Variants in SLC4A4 observed in about 807,000 individuals in gnomAD.
The protein encoded by SLC4A4 is electrogenic sodium bicarbonate cotransporter 1.
Under a neutral mutation model 111.5 loss-of-function variants are expected in SLC4A4, and 27 were observed. The observed-to-expected ratio is 0.24, with a 90% CI of 0.18 to 0.33. The LOEUF (loss-of-function observed/expected upper bound fraction) is 0.33. Among genes scored for constraint, SLC4A4 ranks in the 10% least tolerant of loss-of-function variants. The pLI is 1.00. For synonymous variants in SLC4A4, 443 were observed against 463.4 expected, an observed-to-expected ratio of 0.96 and a Z score of 0.57; for missense variants, 909 against 1,315.5, an observed-to-expected ratio of 0.69 and a Z score of 4.78.
chr4:71,278,236 G>A lies in SLC4A4; in HGVS notation c.253+22837G>A, dbSNP rs1182968917. The stretch of plus-strand genomic sequence containing the variant: ...TCTTACTTATTTCACTTAGCACAAC[G>A]TCCTCAAAGTTTATTCATGTTGTCA... On this transcript the variant is annotated intron_variant, in intron 3 of 25. Transcript: ENST00000264485. 7.9e-5 allele frequency among the ~76,000 whole-genome samples: 12 copies of A among 151,588 alleles called. No individual in the cohort carries two copies. In the East Asian group the frequency reaches 1.9e-3, roughly 25 times the overall value.
At chr4:71,128,795 A>AT (rs1405970013) in intron 2 of SLC4A4, among the ~76,000 whole-genome samples, 1 of 152,140 alleles carries the variant, frequency 6.6e-6, no homozygotes, top group Non-Finnish European at 1.5e-5. Context: ...AGCCAAAGAC[A>AT]TTCAAAATTT....
At chr4:71,150,250 C>T (rs1192443339) in intron 2 of SLC4A4, among the ~76,000 whole-genome samples, 1 of 152,012 alleles carries the variant, frequency 6.6e-6, no homozygotes, top group Non-Finnish European at 1.5e-5. Context: ...TATCTGGAAA[C>T]AGAAATTTGG....
intron 3 of SLC4A4, among the ~76,000 whole-genome samples, chr4:71,331,933 C>A (rs1055346126): frequency 5.3e-5 from 8 of 152,092 alleles, no homozygotes; most frequent in Non-Finnish European, 1.2e-4. Context: ...AAGATTTGTC[C>A]ATTTCTTCTA....
In SLC4A4 at chr4:71,408,711, T is replaced by C. The variant is rs534908824; in HGVS notation, c.807+11058T>C. 9.4e-4 allele frequency among the ~76,000 whole-genome samples: 143 copies of C among 152,376 alleles called. 1 individual carries two copies. The highest frequency in any genetic ancestry group is 4.1e-3 in the South Asian group (20 of 4,830). ...CAAGTCTTACCTTTACTTCAAAACT[T>C]GTCAAGTGTTACTTTTTCTTTATAT... is the stretch of plus-strand genomic sequence containing the variant. On this transcript the variant is annotated intron_variant, in intron 7 of 25. Coordinates refer to ENST00000264485, the MANE Select transcript of SLC4A4 (RefSeq NM_001098484.3).
At chr4:71,080,257 C>T (rs1256557573) in intron 1 of SLC4A4, among the ~76,000 whole-genome samples, 4 of 152,156 alleles carry the variant, frequency 2.6e-5, no homozygotes, top group Admixed American at 2.0e-4. Flanking sequence ...AGACTACCCA[C>T]GAGTGTCCCA....
intron 2 of SLC4A4, among the ~76,000 whole-genome samples, chr4:71,139,148 A>G (rs1743931072): frequency 6.6e-6 from 1 of 151,218 alleles, no homozygotes; most frequent in Non-Finnish European, 1.5e-5. Context: ...ATGGTGATTA[A>G]TCAAAGTCAT....
chr4:71,537,848 C>A (rs940337156), intron 18 of SLC4A4, among the ~76,000 whole-genome samples: 6 of 152,088 alleles, frequency 3.9e-5, no homozygotes, highest in African/African-American at 1.4e-4. Flanking sequence ...CATTCTAATT[C>A]AGGCCGTAAG....
At chr4:71,565,369 G>A (rs1737376164) in intron 24 of SLC4A4, among the ~76,000 whole-genome samples, 2 of 151,722 alleles carry the variant, frequency 1.3e-5, no homozygotes, top group Admixed American at 6.6e-5. Context: ...TTCTGTAACT[G>A]CTTCATGCTG....
chr4:71,332,421 T>C (rs1728075258), intron 3 of SLC4A4, among the ~76,000 whole-genome samples: 1 of 151,924 alleles, frequency 6.6e-6, no homozygotes, highest in South Asian at 2.1e-4. Flanking sequence ...CTTTTTTCTT[T>C]TGTCTCCTCT....
intron 2 of SLC4A4, among the ~76,000 whole-genome samples, chr4:71,144,950 G>T (rs1229019085): frequency 1.3e-5 from 2 of 151,884 alleles, no homozygotes; most frequent in African/African-American, 4.8e-5. Flanking sequence ...TCCTTCTCCT[G>T]CCTGATTGCC....
intron 1 of SLC4A4, among the ~76,000 whole-genome samples, chr4:71,206,693 G>T (rs1057251840): frequency 6.6e-6 from 1 of 152,150 alleles, no homozygotes; most frequent in Non-Finnish European, 1.5e-5. Context: ...AATTATAACT[G>T]AGGGCCTGGG....
chr4:71,536,877 T>C (rs890194738), intron 18 of SLC4A4, among the ~76,000 whole-genome samples: 2 of 151,844 alleles, frequency 1.3e-5, no homozygotes, highest in African/African-American at 4.8e-5. Flanking sequence ...AGTTTTGATA[T>C]TGCATATCTA....
chr4:71,506,616 A>G (rs1254909627), intron 16 of SLC4A4, among the ~76,000 whole-genome samples: 7 of 152,236 alleles, frequency 4.6e-5, no homozygotes, highest in Middle Eastern at 6.8e-3. Context: ...TTCTAGATAC[A>G]GTTTTATATA....
intron 3 of SLC4A4, among the ~76,000 whole-genome samples, chr4:71,258,520 G>C (rs552047431): frequency 6.6e-6 from 1 of 152,154 alleles, no homozygotes; most frequent in Non-Finnish European, 1.5e-5. Flanking sequence ...TGTTCACTTT[G>C]TTATCTTTGG....
intron 1 of SLC4A4, among the ~76,000 whole-genome samples, chr4:71,209,201 T>TC (rs1394255104): frequency 1.3e-5 from 2 of 152,192 alleles, no homozygotes; most frequent in Non-Finnish European, 2.9e-5. Context: ...CCTCATACTA[T>TC]CTGTGCTATT....
chr4:71,384,390 C>G (rs1200120047), intron 6 of SLC4A4, among the ~76,000 whole-genome samples: 1 of 152,120 alleles, frequency 6.6e-6, no homozygotes, highest in East Asian at 1.9e-4. Context: ...CTGGAGGCTA[C>G]TGCTAGAGTT....
In SLC4A4 at chr4:71,546,509, C is replaced by G; in HGVS notation, c.2602C>G (p.Pro868Ala). The change falls in exon 19 of 26, where the codon CCA becomes GCA. Residue 868 changes from proline to alanine, a missense_variant. Pro to Ala is a conservative substitution (Grantham distance 27, BLOSUM62 -1). This residue lies in a region of SLC4A4 where 104 missense variants were observed against 219.5 expected (regional missense o/e 0.47). Transcript: ENST00000264485. ...ETETSAPGEQ[P>A]KFLGVREQRV... Reference sequence around the variant, plus strand: ...AGAGACTTCTGCACCTGGAGAACAACCAAAGTTTCTAGGAGTGAGGTGTGT... The same window carrying G: ...AGAGACTTCTGCACCTGGAGAACAAGCAAAGTTTCTAGGAGTGAGGTGTGT... The G allele has an allele frequency of 6.2e-7, 1 of 1,612,284 alleles. No homozygotes were observed.
Position 71,559,643 on chromosome 4 carries a change from C to A in SLC4A4, c.2938-450C>A, listed in dbSNP as rs1209363509. On this transcript the variant is annotated intron_variant, in intron 22 of 25. Transcript: ENST00000264485. ...TTCAAATACTACCTCATTGTGAATA[C>A]TTTGAAGATGTCTTAGTGTTATATG... Among the ~76,000 whole-genome samples, 4 of 151,744 alleles carry A rather than the reference C, an allele frequency of 2.6e-5. No individual in the cohort carries two copies. In the East Asian group the frequency reaches 7.8e-4, roughly 30 times the overall value.
chr4:71,506,478 T>C (rs774288571), intron 16 of SLC4A4, among the ~76,000 whole-genome samples: 8 of 152,170 alleles, frequency 5.3e-5, no homozygotes, highest in Non-Finnish European at 1.2e-4. Context: ...ATCTGTGATT[T>C]GGCTTTCGAC....
Sources: gnomAD v4.1 joint callset for allele counts (sites outside exome capture counted in the v4.1 genomes callset) on GRCh38, gnomAD v4.1.1 for gene constraint, gnomAD v4.1.1 regional missense constraint, MANE v1.5 for transcripts, NCBI Gene and HGNC (gene_info 2026-07-23, HGNC 2026-07-21) for gene names.